Variants in GPSM1 observed in about 807,000 individuals in gnomAD.
GPSM1 encodes G protein-signaling modulator 1.
Under a neutral mutation model 70.5 loss-of-function variants are expected in GPSM1, and 48 were observed. The ratio of observed to expected loss-of-function variants is 0.68; its 90% CI spans 0.54 to 0.87. GPSM1 has a LOEUF of 0.87. GPSM1 is among the 40% of genes least tolerant of loss of function. GPSM1 has a pLI of 0.00. For missense variants in GPSM1, 981 were observed against 972.6 expected (o/e 1.01, Z -0.11); for synonymous variants, 416 against 430.1 (o/e 0.97, Z 0.41).
intron 1 of GPSM1, 89 bp downstream of exon 1, chr9:136,327,852 A>G (rs1251239750): frequency 4.7e-6 from 2 of 425,536 alleles, no homozygotes; most frequent in Non-Finnish European, 7.1e-6. Context: ...TTGGGAACAA[A>G]GGCAGCTCTC....
In GPSM1 at chr9:136,355,681, C is replaced by G. The variant is rs575281695; in HGVS notation, c.1456-9C>G. 73 of 1,611,030 alleles carry G rather than the reference C, an allele frequency of 4.5e-5. No homozygotes were observed. The South Asian group carries it at 7.3e-4, about 16-fold the overall frequency. On this transcript the variant is annotated splice_polypyrimidine_tract_variant and intron_variant, in intron 11 of 13. Transcript: ENST00000440944. ...AGCTTTGGCTGCGGTGACCCCACTC[C>G]CTCCCCAGAGCATCCCGAGGGCCCC...
chr9:136,357,919 C>A, intron 13 of GPSM1, 95 bp from the exon 14 acceptor site: 1 of 935,792 alleles, frequency 1.1e-6, no homozygotes, highest in Non-Finnish European at 1.7e-6. Context: ...AGCCCGTGAA[C>A]AGTGCACGCT....
At chr9:136,349,509 G>A (rs1196740038) in intron 10 of GPSM1, 78 bp from the exon 11 acceptor site, 3 of 1,312,458 alleles carry the variant, frequency 2.3e-6, no homozygotes, top group Admixed American at 2.4e-5. Flanking sequence ...GAGGCGGCCT[G>A]GCCTTCCCTT....
rs985217227 is a variant in GPSM1, at chr9:136,359,435, C to T, written c.*1215C>T. On this transcript the variant is annotated 3_prime_UTR_variant, in exon 14 of 14. Coordinates refer to ENST00000440944, the MANE Select transcript of GPSM1 (RefSeq NM_001145638.3). Reference sequence around the variant, plus strand: ...GCAGGGCCGCACCCGAGAGCAGGGACAGGTGCCCGAACACAGGGTCTCCAG... The same window carrying T: ...GCAGGGCCGCACCCGAGAGCAGGGATAGGTGCCCGAACACAGGGTCTCCAG... 1 of 152,274 alleles carries T rather than the reference C, an allele frequency of 6.6e-6. No homozygotes were observed. The highest frequency in any genetic ancestry group is 2.1e-4 in the South Asian group (1 of 4,838). 9.4% of individuals were successfully genotyped at this position (152,274 alleles called of 1,614,324 possible).
At position 136,330,540 on chromosome 9, in the gene GPSM1, G is replaced by C. The variant is rs143631214; in HGVS notation, c.68+2777G>C. Reference sequence around the variant, plus strand: ...CCAGCTCCCGCTGTGCTCCCAGCCCGGTCCTGCGCCTCACTCTCTCCCCTC... The same window carrying C: ...CCAGCTCCCGCTGTGCTCCCAGCCCCGTCCTGCGCCTCACTCTCTCCCCTC... On this transcript the variant is annotated intron_variant, in intron 1 of 13. Transcript: ENST00000440944. Among the ~76,000 whole-genome samples, 860 of 152,298 alleles carry C rather than the reference G, an allele frequency of 5.6e-3. 5 individuals carry two copies. The highest frequency in any genetic ancestry group is 9.6e-3 in the Non-Finnish European group (653 of 68,014).
At chr9:136,331,804 G>C (rs1415209031) in intron 1 of GPSM1, among the ~76,000 whole-genome samples, 4 of 152,202 alleles carry the variant, frequency 2.6e-5, no homozygotes, top group Admixed American at 2.6e-4. Context: ...CAGCCTCTGA[G>C]CTGTCCTTGA....
chr9:136,339,488 G>A (rs1455221574), intron 7 of GPSM1, among the ~76,000 whole-genome samples: 3 of 152,282 alleles, frequency 2.0e-5, no homozygotes, highest in Non-Finnish European at 4.4e-5. Flanking sequence ...GAAGAAAAAA[G>A]GCAGAGCTGA....
intron 1 of GPSM1, among the ~76,000 whole-genome samples, chr9:136,334,245 G>A: frequency 6.6e-6 from 1 of 152,224 alleles, no homozygotes; most frequent in East Asian, 1.9e-4. Flanking sequence ...GGTGCTGGCA[G>A]AGGTGTGCTG....
In GPSM1 at chr9:136,341,246, C is replaced by G. The variant is rs930647027; in HGVS notation, c.1207+253C>G. 23 of 1,500,426 alleles carry G rather than the reference C, an allele frequency of 1.5e-5. No individual in the cohort carries two copies. Among genetic ancestry groups the G allele is most frequent in the Admixed American group, 1.3e-4 (6 of 45,006 alleles). 92.9% of individuals were successfully genotyped at this position (1,500,426 alleles called of 1,614,324 possible). ...GGACAGGAGGTGGTCGCCTGTTGCC[C>G]CACTGGCTGCTCCAGGGCCTCCACC... On this transcript the variant is annotated intron_variant, in intron 9 of 13. Coordinates refer to ENST00000440944, the MANE Select transcript of GPSM1 (RefSeq NM_001145638.3). The surrounding 1 kb of genome is among the most constrained non-coding windows in gnomAD (Gnocchi z 6.7).
chr9:136,330,281 C>T (rs1554768346), intron 1 of GPSM1, among the ~76,000 whole-genome samples: 1 of 152,128 alleles, frequency 6.6e-6, no homozygotes, highest in African/African-American at 2.4e-5. Context: ...AAGCAGCAGT[C>T]ACCAGCTCCC....
rs569188695 is a variant in GPSM1, at chr9:136,341,832, A to G, written c.1207+839A>G. On this transcript the variant is annotated intron_variant, in intron 9 of 13. Coordinates refer to ENST00000440944, the MANE Select transcript of GPSM1 (RefSeq NM_001145638.3). The surrounding 1 kb of genome is among the most constrained non-coding windows in gnomAD (Gnocchi z 6.7). ...TTATTTTTAATAATTAAATGTTTTT[A>G]TAGAGATAGGGCCTCACTATGTTGC... 2 of 946,006 alleles carry G rather than the reference A, an allele frequency of 2.1e-6. No individual in the cohort carries two copies. Among genetic ancestry groups the G allele is most frequent in the African/African-American group, 1.8e-5 (1 of 56,564 alleles). 58.6% of individuals were successfully genotyped at this position (946,006 alleles called of 1,614,324 possible).
chr9:136,359,596 A>G lies in GPSM1; in HGVS notation c.*1376A>G, dbSNP rs1231201430. 6.6e-6 allele frequency: 1 copy of G among 152,390 alleles called. No individual in the cohort carries two copies. Among genetic ancestry groups the G allele is most frequent in the Admixed American group, 6.5e-5 (1 of 15,290 alleles). The allele number at this position is 152,390 out of a possible 1,614,324, so 9.4% of individuals were successfully genotyped here. Reference sequence around the variant, plus strand: ...TTTTCCTGAAAAATAAAGTCGGCCAAGTGAGTGTGGTCCGTATGGGCTTAG... The same window carrying G: ...TTTTCCTGAAAAATAAAGTCGGCCAGGTGAGTGTGGTCCGTATGGGCTTAG... On this transcript the variant is annotated 3_prime_UTR_variant, in exon 14 of 14. Coordinates refer to ENST00000440944, the MANE Select transcript of GPSM1 (RefSeq NM_001145638.3).
chr9:136,337,649 G>A, intron 5 of GPSM1, 85 bp downstream of exon 5: 1 of 1,371,602 alleles, frequency 7.3e-7, no homozygotes. Context: ...CCCTGAAAGG[G>A]CAGGGTGGTA....
chr9:136,348,716 G>A lies in GPSM1; in HGVS notation c.1227G>A (p.Thr409=), dbSNP rs138778632. The A allele has an allele frequency of 2.3e-4, 377 of 1,612,050 alleles. No individual in the cohort carries two copies. In the African/African-American group the frequency reaches 4.1e-3, roughly 17 times the overall value. ...YEAQGARPKR[T]QRLSAETWDL... The stretch of plus-strand genomic sequence containing the variant: ...CTTCAGGGGCCAGACCCAAGAGGAC[G>A]CAGAGGCTGAGCGCGGAGACCTGGG... Residue 409 remains threonine, a synonymous_variant, in exon 10 of 14, where the codon ACG becomes ACA. Transcript: ENST00000440944.
At chr9:136,352,265 C>T (rs1202415885) in intron 11 of GPSM1, among the ~76,000 whole-genome samples, 10 of 114,966 alleles carry the variant, frequency 8.7e-5, no homozygotes, top group Admixed American at 3.5e-4. Flanking sequence ...GATGCTGCGC[C>T]GTTGCTGTTG....
chr9:136,341,831 T>C lies in GPSM1; in HGVS notation c.1207+838T>C. 1.1e-6 allele frequency: 1 copy of C among 949,996 alleles called. No individual in the cohort carries two copies. Among genetic ancestry groups the C allele is most frequent in the Non-Finnish European group, 1.3e-6 (1 of 797,568 alleles). The allele number at this position is 949,996 out of a possible 1,614,324, so 58.8% of individuals were successfully genotyped here. Reference sequence around the variant, plus strand: ...CTTATTTTTAATAATTAAATGTTTTTATAGAGATAGGGCCTCACTATGTTG... The same window carrying C: ...CTTATTTTTAATAATTAAATGTTTTCATAGAGATAGGGCCTCACTATGTTG... On this transcript the variant is annotated intron_variant, in intron 9 of 13. Transcript: ENST00000440944. The surrounding 1 kb of genome is among the most constrained non-coding windows in gnomAD (Gnocchi z 6.7).
chr9:136,331,649 GC>G (rs1299531506), intron 1 of GPSM1, among the ~76,000 whole-genome samples: 1 of 152,220 alleles, frequency 6.6e-6, no homozygotes, highest in Non-Finnish European at 1.5e-5. Flanking sequence ...GGGCAGAGCA[GC>G]CCCCGCTGGG....
intron 1 of GPSM1, chr9:136,331,878 C>G: frequency 2.5e-6 from 1 of 396,768 alleles, no homozygotes; most frequent in Non-Finnish European, 4.4e-6. Flanking sequence ...TGGCAGTCCC[C>G]CGCCGAGCTT....
At chr9:136,348,406 A>C (rs1588702622) in intron 9 of GPSM1, among the ~76,000 whole-genome samples, 1 of 152,154 alleles carries the variant, frequency 6.6e-6, no homozygotes, top group East Asian at 1.9e-4. Context: ...TGTGTGCGGC[A>C]GGGGAGAGGC....
Sources: gnomAD v4.1 joint callset for allele counts (sites outside exome capture counted in the v4.1 genomes callset) on GRCh38, gnomAD v4.1.1 for gene constraint, Gnocchi (gnomAD v3.1) non-coding constraint, MANE v1.5 for transcripts, NCBI Gene and HGNC (gene_info 2026-07-23, HGNC 2026-07-21) for gene names.